The following NCK1 variants were observed in gnomAD, a reference collection of about 807,000 sequenced individuals.
The protein encoded by NCK1 is NCK adaptor protein 1.
A neutral mutation model predicts 36.6 loss-of-function variants in NCK1; 19 were observed. The observed-to-expected ratio is 0.52, with a 90% CI of 0.36 to 0.76. The LOEUF is 0.76. Ranked by LOEUF, NCK1 falls within the 30% of genes least tolerant of loss-of-function variation. NCK1 has a pLI of 0.00. For missense variants in NCK1, 358 were observed against 445.6 expected, an observed-to-expected ratio of 0.80 and a Z score of 1.77; for synonymous variants, 165 against 156.0, an observed-to-expected ratio of 1.06 and a Z score of -0.43.
At chr3:136,891,346 G>T (rs1939239145) in intron 1 of NCK1, among the ~76,000 whole-genome samples, 1 of 152,170 alleles carries the variant, frequency 6.6e-6, no homozygotes, top group African/African-American at 2.4e-5. Context: ...TGTTGGTCAG[G>T]CTGGTCTTGA....
intron 1 of NCK1, chr3:136,888,968 C>G (rs1222463566): frequency 1.3e-5 from 2 of 150,288 alleles, no homozygotes; most frequent in African/African-American, 2.5e-5. Flanking sequence ...CATCCAGGCA[C>G]AAGTGATCCT....
intron 1 of NCK1, among the ~76,000 whole-genome samples, chr3:136,871,729 C>T (rs188107807): frequency 3.2e-4 from 49 of 152,288 alleles, no homozygotes; most frequent in African/African-American, 8.7e-4. Flanking sequence ...ACAATTCCCA[C>T]GTGTGGTTGG....
chr3:136,916,976 CA>C (rs1245961185), intron 1 of NCK1, among the ~76,000 whole-genome samples: 1 of 152,094 alleles, frequency 6.6e-6, no homozygotes, highest in Non-Finnish European at 1.5e-5. Flanking sequence ...CTTATAGGGG[CA>C]GCCAAACAGG....
At chr3:136,867,713 CA>C (rs1267213826) in intron 1 of NCK1, among the ~76,000 whole-genome samples, 1 of 152,012 alleles carries the variant, frequency 6.6e-6, no homozygotes, top group African/African-American at 2.4e-5. Flanking sequence ...CTAGATGCAC[CA>C]AAATTCAAAC....
At chr3:136,919,005 C>T (rs994402751) in intron 1 of NCK1, among the ~76,000 whole-genome samples, 1 of 151,968 alleles carries the variant, frequency 6.6e-6, no homozygotes, top group African/African-American at 2.4e-5. Context: ...ATGGTTCGTC[C>T]GTACAATGGA....
At chr3:136,944,583 T>C (rs1940763420) in intron 2 of NCK1, among the ~76,000 whole-genome samples, 1 of 152,110 alleles carries the variant, frequency 6.6e-6, no homozygotes, top group African/African-American at 2.4e-5. Context: ...TTTTAGACAA[T>C]TGAAGGGACT....
Position 136,898,503 on chromosome 3 carries a change from ATTTG to A in NCK1, c.-18-29478_-18-29475del, listed in dbSNP as rs563475395. Among the ~76,000 whole-genome samples, 11 of 152,232 alleles carry A rather than the reference ATTTG, an allele frequency of 7.2e-5. No homozygotes were observed. In the South Asian group the frequency reaches 2.3e-3, roughly 32 times the overall value. ...ATATCACTAAATGTCTTCAAATTCT[ATTTG>A]TTATAGAATAACCATCTAAATAGGA... On this transcript the variant is annotated intron_variant, in intron 1 of 3. Coordinates refer to ENST00000481752, the MANE Select transcript of NCK1 (RefSeq NM_001291999.2).
chr3:136,871,610 G>T (rs964261245), intron 1 of NCK1, among the ~76,000 whole-genome samples: 2 of 152,022 alleles, frequency 1.3e-5, no homozygotes, highest in Non-Finnish European at 2.9e-5. Context: ...TCACTATTCT[G>T]TCCTCTATCG....
intron 1 of NCK1, among the ~76,000 whole-genome samples, chr3:136,924,025 C>T (rs1410384417): frequency 6.6e-6 from 1 of 152,150 alleles, no homozygotes; most frequent in African/African-American, 2.4e-5. Context: ...AGAGCTAGCA[C>T]ATCATCATTA....
intron 1 of NCK1, among the ~76,000 whole-genome samples, chr3:136,893,951 G>T (rs943286661): frequency 5.3e-5 from 8 of 152,256 alleles, no homozygotes; most frequent in African/African-American, 1.9e-4. Flanking sequence ...TGTGGGACTT[G>T]AGCCTTTAGT....
At chr3:136,874,061 T>C (rs189788795) in intron 1 of NCK1, among the ~76,000 whole-genome samples, 4 of 152,084 alleles carry the variant, frequency 2.6e-5, no homozygotes, top group African/African-American at 9.6e-5. Flanking sequence ...TTTTCAGTGA[T>C]AGTAGTATTC....
intron 2 of NCK1, among the ~76,000 whole-genome samples, chr3:136,945,185 A>T (rs1408579335): frequency 3.3e-5 from 5 of 152,204 alleles, no homozygotes; most frequent in African/African-American, 1.2e-4. Flanking sequence ...TGTAGAATCT[A>T]GCTTGCTTAA....
At chr3:136,942,716 C>T (rs1240779708) in intron 2 of NCK1, among the ~76,000 whole-genome samples, 1 of 152,146 alleles carries the variant, frequency 6.6e-6, no homozygotes, top group Non-Finnish European at 1.5e-5. Flanking sequence ...GTATACACAC[C>T]CCTTATTACC....
intron 2 of NCK1, among the ~76,000 whole-genome samples, chr3:136,933,568 CT>C (rs528693362): frequency 3.4e-4 from 50 of 146,254 alleles, no homozygotes; most frequent in Admixed American, 4.8e-4. Flanking sequence ...TATCTTTACA[CT>C]TTTTTTTTTT....
At chr3:136,922,683 A>C (rs1560047874) in intron 1 of NCK1, among the ~76,000 whole-genome samples, 1 of 152,390 alleles carries the variant, frequency 6.6e-6, no homozygotes, top group South Asian at 2.1e-4. Context: ...GATTGACAAC[A>C]TAGTTTGTTG....
At position 136,945,948 on chromosome 3, in the gene NCK1, C is replaced by T; in HGVS notation, c.592C>T (p.Leu198Phe). Residue 198 changes from leucine to phenylalanine, a missense_variant, in exon 3 of 4, where the codon CTT becomes TTT. Leu to Phe is a conservative substitution (Grantham distance 22, BLOSUM62 0). Coordinates refer to ENST00000481752, the MANE Select transcript of NCK1 (RefSeq NM_001291999.2). ...GCAAGTGTTGCATGTGGTACAGGCT[C>T]TTTACCCATTCAGCTCATCTAATGA... ...TGQVLHVVQA[L>F]YPFSSSNDEE... The T allele has an allele frequency of 6.2e-7, 1 of 1,613,898 alleles. No homozygotes were observed. The highest frequency in any genetic ancestry group is 1.1e-5 in the South Asian group (1 of 91,076).
At chr3:136,904,026 G>A (rs946711120) in intron 1 of NCK1, among the ~76,000 whole-genome samples, 11 of 152,102 alleles carry the variant, frequency 7.2e-5, no homozygotes, top group Admixed American at 5.2e-4. Context: ...TCTAGGGCCA[G>A]TCTAGTGGTG....
In NCK1 at chr3:136,946,003, T is replaced by C. The variant is rs1408693472; in HGVS notation, c.647T>C (p.Val216Ala). 6.2e-7 allele frequency: 1 copy of C among 1,613,956 alleles called. No individual in the cohort carries two copies. Among genetic ancestry groups the C allele is most frequent in the South Asian group, 1.1e-5 (1 of 91,068 alleles). Residue 216 changes from valine (V) to alanine (A), a missense_variant, in exon 3 of 4, where the codon GTA becomes GCA. Physicochemically the swap from Val to Ala is moderately conservative, Grantham distance 64. Coordinates refer to ENST00000481752, the MANE Select transcript of NCK1 (RefSeq NM_001291999.2). ...GAACTTAATTTCGAGAAAGGAGATG[T>C]AATGGATGTTATTGAAAAACCTGAA... ...DEELNFEKGDVMDVIEKPEND... is the reference protein window; with the variant it reads ...DEELNFEKGDAMDVIEKPEND...
chr3:136,906,843 A>G (rs182509341), intron 1 of NCK1, among the ~76,000 whole-genome samples: 17 of 152,230 alleles, frequency 1.1e-4, no homozygotes, highest in African/African-American at 4.1e-4. Flanking sequence ...AGGAGTGCTT[A>G]GGTGCCAACA....
Sources: allele counts gnomAD v4.1 joint callset (sites outside exome capture counted in the v4.1 genomes callset), GRCh38; gene constraint gnomAD v4.1.1; transcripts MANE v1.5; gene names NCBI Gene and HGNC (gene_info 2026-07-23, HGNC 2026-07-21).